The following SAE1 variants were observed in gnomAD, a reference collection of about 807,000 sequenced individuals.
SAE1 encodes SUMO1 activating enzyme subunit 1.
Under a neutral mutation model 40.6 loss-of-function variants are expected in SAE1, and 11 were observed. The observed-to-expected ratio is 0.27, with a 90% CI of 0.17 to 0.45. SAE1 has a LOEUF of 0.45. Among genes scored for constraint, SAE1 ranks in the 20% least tolerant of loss-of-function variants. The probability of loss-of-function intolerance (pLI) is 1.00; values close to 1 mark genes in which losing one functional copy is unlikely to be tolerated. For synonymous variants in SAE1, 155 were observed against 154.3 expected, an observed-to-expected ratio of 1.00 and a Z score of -0.03; for missense variants, 373 against 427.3, an observed-to-expected ratio of 0.87 and a Z score of 1.12.
rs2058707313 is a variant in SAE1 at position 47,210,297 on chromosome 19, C to T, written c.*1046C>T. ...TCTAACTCAAGAGATTCCTCCTCTC[C>T]CTCACCATTCCTGCCACCATTTTTT... On this transcript the variant is annotated 3_prime_UTR_variant, in exon 9 of 9. Transcript: ENST00000270225. 2 of 152,138 alleles carry T rather than the reference C, an allele frequency of 1.3e-5. No homozygotes were observed. Among genetic ancestry groups the T allele is most frequent in the South Asian group, 4.1e-4 (2 of 4,828 alleles). The allele number at this position is 152,138 out of a possible 1,614,324, so 9.4% of individuals were successfully genotyped here. A position where few individuals can be genotyped will look rare whatever the true frequency, so the allele number is the denominator to read the frequency against.
intron 6 of SAE1, among the ~76,000 whole-genome samples, chr19:47,177,536 CTGTT>C (rs1205224606): frequency 2.0e-5 from 3 of 152,050 alleles, no homozygotes; most frequent in East Asian, 1.9e-4. Context: ...TTTAAAAAAT[CTGTT>C]TGTACAGATT....
intron 1 of SAE1, among the ~76,000 whole-genome samples, chr19:47,139,936 CTTTTTTTT>C (rs34575308): frequency 9.0e-6 from 1 of 111,576 alleles, no homozygotes; most frequent in South Asian, 2.9e-4. Flanking sequence ...TTGGGTATTT[CTTTTTTTT>C]TTTTTTTTTT....
At chr19:47,131,254 A>AG in intron 1 of SAE1, 1 of 1,182,906 alleles carries the variant, frequency 8.5e-7, no homozygotes, top group Non-Finnish European at 1.1e-6. Context: ...GGAGCTCTGA[A>AG]GGGGGCGTTG....
intron 5 of SAE1, among the ~76,000 whole-genome samples, chr19:47,156,966 T>C (rs1328824151): frequency 6.6e-6 from 1 of 152,154 alleles, no homozygotes; most frequent in Non-Finnish European, 1.5e-5. Flanking sequence ...ACCAAGCCCA[T>C]ATTTACTCTT....
In SAE1 at chr19:47,150,252, TG is replaced by T; in HGVS notation, c.263del (p.Gly88AlafsTer21). 6.2e-7 allele frequency: 1 copy of T among 1,613,488 alleles called. No homozygotes were observed. Among genetic ancestry groups the T allele is most frequent in the Non-Finnish European group, 8.5e-7 (1 of 1,179,854 alleles). ...AQFLIRTGSV[G>X]RNRAEASLER... ...AGTTCTTGATTCGTACTGGGTCTGT[TG>T]GCCGAAATAGGGCTGAAGCCTCTTT... On this transcript the variant is annotated frameshift_variant, in exon 3 of 9. Coordinates refer to ENST00000270225, the MANE Select transcript of SAE1 (RefSeq NM_005500.3). LOFTEE classifies it high-confidence loss of function.
chr19:47,191,679 T>C (rs189004138), intron 6 of SAE1, among the ~76,000 whole-genome samples: 1 of 152,136 alleles, frequency 6.6e-6, no homozygotes, highest in African/African-American at 2.4e-5. Context: ...AAGCACCAAC[T>C]GTCACAAGGG....
At chr19:47,151,114 A>G (rs568395978) in intron 3 of SAE1, among the ~76,000 whole-genome samples, 8 of 152,090 alleles carry the variant, frequency 5.3e-5, no homozygotes, top group African/African-American at 1.9e-4. Flanking sequence ...ATGTTACATG[A>G]GAGGTTAGAA....
intron 5 of SAE1, among the ~76,000 whole-genome samples, chr19:47,165,665 C>T (rs2058387959): frequency 6.6e-6 from 1 of 152,156 alleles, no homozygotes; most frequent in South Asian, 2.1e-4. Context: ...AAGCGTAATG[C>T]CAGTGGAGTG....
intron 6 of SAE1, among the ~76,000 whole-genome samples, chr19:47,185,931 C>G (rs2058541269): frequency 6.7e-6 from 1 of 150,200 alleles, no homozygotes; most frequent in Admixed American, 6.6e-5. Context: ...TGAGTGCCGA[C>G]ATAACACTCA....
chr19:47,208,762 G>A (rs2058698421), intron 8 of SAE1, among the ~76,000 whole-genome samples: 2 of 152,248 alleles, frequency 1.3e-5, no homozygotes, highest in South Asian at 4.1e-4. Flanking sequence ...TCACCATGTT[G>A]CACAGACTGG....
intron 6 of SAE1, among the ~76,000 whole-genome samples, chr19:47,184,797 GTTTTT>G (rs756487678): frequency 7.0e-6 from 1 of 142,706 alleles, no homozygotes; most frequent in East Asian, 2.1e-4. Flanking sequence ...TTTTTGTTTT[GTTTTT>G]GTTTTGTTTT....
chr19:47,184,555 C>T (rs2058531609), intron 6 of SAE1, among the ~76,000 whole-genome samples: 2 of 151,964 alleles, frequency 1.3e-5, no homozygotes, highest in Admixed American at 1.3e-4. Flanking sequence ...GGATGACAGG[C>T]ACCCGCCACC....
intron 1 of SAE1, among the ~76,000 whole-genome samples, chr19:47,137,632 G>A (rs1023785962): frequency 1.3e-5 from 2 of 151,970 alleles, no homozygotes; most frequent in Admixed American, 6.6e-5. Context: ...AAGTAGCTGG[G>A]ACCACAGGCG....
At chr19:47,179,175 G>A (rs1188188376) in intron 6 of SAE1, among the ~76,000 whole-genome samples, 1 of 136,308 alleles carries the variant, frequency 7.3e-6, no homozygotes, top group African/African-American at 2.8e-5. Flanking sequence ...ATGGGCGACA[G>A]AACAAGGCTC....
chr19:47,163,567 GA>G, intron 5 of SAE1, among the ~76,000 whole-genome samples: 1 of 151,994 alleles, frequency 6.6e-6, no homozygotes, highest in South Asian at 2.1e-4. Context: ...ATCTCTAACA[GA>G]AATACAAAAT....
intron 5 of SAE1, among the ~76,000 whole-genome samples, chr19:47,157,034 A>G (rs1477187730): frequency 1.3e-5 from 2 of 152,226 alleles, no homozygotes; most frequent in South Asian, 4.1e-4. Context: ...GTTGAGTTAA[A>G]TTACGCTAAC....
chr19:47,204,946 G>A (rs967840134), intron 8 of SAE1, among the ~76,000 whole-genome samples: 2 of 152,156 alleles, frequency 1.3e-5, no homozygotes, highest in African/African-American at 4.8e-5. Context: ...CAGAAGGGAA[G>A]CATCTTATAC....
At chr19:47,134,990 A>C (rs1016528126) in intron 1 of SAE1, among the ~76,000 whole-genome samples, 1 of 152,116 alleles carries the variant, frequency 6.6e-6, no homozygotes, top group African/African-American at 2.4e-5. Context: ...GAGTTTATTA[A>C]AGTGTTTTTT....
intron 7 of SAE1, among the ~76,000 whole-genome samples, chr19:47,202,986 G>A (rs1337753447): frequency 6.6e-6 from 1 of 152,178 alleles, no homozygotes; most frequent in African/African-American, 2.4e-5. Context: ...CCTTTCACTT[G>A]TCTGTGTTCC....
Sources: gnomAD v4.1 joint callset for allele counts (sites outside exome capture counted in the v4.1 genomes callset) on GRCh38, gnomAD v4.1.1 for gene constraint, MANE v1.5 for transcripts, NCBI Gene and HGNC (gene_info 2026-07-23, HGNC 2026-07-21) for gene names.